Variants in GOLGB1 observed in about 807,000 individuals in gnomAD.
GOLGB1 encodes golgin B1.
GOLGB1 carries 174 observed loss-of-function variants against 336.9 expected under a neutral mutation model. The observed-to-expected ratio is 0.52, with a 90% CI of 0.46 to 0.59. The LOEUF is 0.59. Among genes scored for constraint, GOLGB1 ranks in the 20% least tolerant of loss-of-function variants. The pLI is 0.00. For missense variants in GOLGB1, 3,331 were observed against 3,645.3 expected (o/e 0.91, Z 2.22); for synonymous variants, 1,208 against 1,289.2 (o/e 0.94, Z 1.35).
At chr3:121,679,009 T>C (rs1432125209) in intron 15 of GOLGB1, among the ~76,000 whole-genome samples, 2 of 152,186 alleles carry the variant, frequency 1.3e-5, no homozygotes, top group Non-Finnish European at 1.5e-5. Flanking sequence ...AAAATCAGAA[T>C]TATAGCTCCT....
chr3:121,679,738 G>T (rs953167870), intron 15 of GOLGB1, among the ~76,000 whole-genome samples: 14 of 152,136 alleles, frequency 9.2e-5, no homozygotes, highest in Non-Finnish European at 1.9e-4. Flanking sequence ...GCCAGGTATG[G>T]AGCTTGGACT....
intron 13 of GOLGB1, 24 bp downstream of exon 13, chr3:121,693,717 A>G: frequency 1.3e-6 from 2 of 1,535,468 alleles, no homozygotes; most frequent in Non-Finnish European, 8.9e-7. Flanking sequence ...CCTCTGGAGG[A>G]GGAAAAATTC....
rs746747322 is a variant in GOLGB1 at position 121,697,028 on chromosome 3, T to G, written c.3495A>C (p.Pro1165=). Residue 1165 remains proline, a synonymous_variant, in exon 13 of 22, where the codon CCA becomes CCC. Coordinates refer to ENST00000614479, the MANE Select transcript of GOLGB1 (RefSeq NM_001366282.2). Reference sequence around the variant, plus strand: ...GGGCCAGTATCTTTTCTTCTAGTTCTGGTTTCCAGTGTTCACTACTACCTG... The same window carrying G: ...GGGCCAGTATCTTTTCTTCTAGTTCGGGTTTCCAGTGTTCACTACTACCTG... ...PCTGSSEHWK[P]ELEEKILALE... The G allele has an allele frequency of 6.2e-7, 1 of 1,614,112 alleles. No individual in the cohort carries two copies. Among genetic ancestry groups the G allele is most frequent in the South Asian group, 1.1e-5 (1 of 91,082 alleles).
chr3:121,709,854 C>A, intron 10 of GOLGB1, among the ~76,000 whole-genome samples: 1 of 151,846 alleles, frequency 6.6e-6, no homozygotes, highest in Admixed American at 6.6e-5. Flanking sequence ...AGAAAATTAA[C>A]AAGACCAAAA....
intron 2 of GOLGB1, among the ~76,000 whole-genome samples, 183 bp downstream of exon 2, chr3:121,730,693 A>G (rs1344809961): frequency 6.6e-6 from 1 of 152,192 alleles, no homozygotes; most frequent in African/African-American, 2.4e-5. Flanking sequence ...GTTTCCCATC[A>G]CTGTGGCTTT....
chr3:121,678,722 C>G (rs1030896194), intron 15 of GOLGB1, among the ~76,000 whole-genome samples: 2 of 152,148 alleles, frequency 1.3e-5, no homozygotes. Flanking sequence ...CGCACGCCAC[C>G]ATGCCCAGCT....
At chr3:121,735,842 C>T (rs1001768971) in intron 1 of GOLGB1, among the ~76,000 whole-genome samples, 10 of 152,112 alleles carry the variant, frequency 6.6e-5, no homozygotes, top group Admixed American at 5.9e-4. Context: ...ATGAGCGCAT[C>T]CAGATCTCGA....
chr3:121,730,044 T>A, intron 2 of GOLGB1, 27 bp from the exon 3 acceptor site: 2 of 1,575,802 alleles, frequency 1.3e-6, no homozygotes, highest in Non-Finnish European at 1.7e-6. Flanking sequence ...AAGTTGCCAG[T>A]GCACCAGGAA....
At chr3:121,723,921 T>TA (rs933481738) in intron 5 of GOLGB1, among the ~76,000 whole-genome samples, 1 of 152,074 alleles carries the variant, frequency 6.6e-6, no homozygotes, top group Non-Finnish European at 1.5e-5. Flanking sequence ...AAGTTACTAT[T>TA]AAAAAAACAG....
intron 10 of GOLGB1, among the ~76,000 whole-genome samples, chr3:121,713,658 G>T (rs929999993): frequency 6.6e-6 from 1 of 152,252 alleles, no homozygotes; most frequent in South Asian, 2.1e-4. Context: ...ACTTTGTGAG[G>T]TGATGGTAAT....
intron 4 of GOLGB1, among the ~76,000 whole-genome samples, chr3:121,727,312 ATATATATATT>A (rs1206881518): frequency 0.011 from 389 of 35,316 alleles, 1 homozygote; most frequent in Non-Finnish European, 0.019. Context: ...ATATATATAT[ATATATATATT>A]TTTTTTTTTT....
intron 10 of GOLGB1, among the ~76,000 whole-genome samples, chr3:121,710,683 T>A: frequency 6.6e-6 from 1 of 151,650 alleles, no homozygotes; most frequent in South Asian, 2.1e-4. Context: ...CACCAATAAA[T>A]AAACAAACAA....
intron 15 of GOLGB1, 88 bp downstream of exon 15, chr3:121,681,597 GCT>G (rs1352549576): frequency 1.6e-5 from 14 of 880,034 alleles, no homozygotes; most frequent in Non-Finnish European, 2.5e-5. Flanking sequence ...GTACATAGAA[GCT>G]CTCTGCACTA....
In GOLGB1 at chr3:121,690,283, C is replaced by T. The variant is rs1484441035; in HGVS notation, c.8694+387G>A. Among the ~76,000 whole-genome samples the T allele has an allele frequency of 2.0e-5, 3 of 152,222 alleles. No homozygotes were observed. In the East Asian group the frequency reaches 5.8e-4, roughly 29 times the overall value. On this transcript the variant is annotated intron_variant, in intron 14 of 21. Coordinates refer to ENST00000614479, the MANE Select transcript of GOLGB1 (RefSeq NM_001366282.2). Reference sequence around the variant, plus strand: ...ATTGTAAACAAGACACTAAATGATCCTTATACTTCACTGTAAGAAGGCACT... The same window carrying T: ...ATTGTAAACAAGACACTAAATGATCTTTATACTTCACTGTAAGAAGGCACT...
In GOLGB1 at chr3:121,677,132, C is replaced by T. The variant is rs1283582422; in HGVS notation, c.9040-102G>A. The T allele has an allele frequency of 2.8e-6, 4 of 1,404,062 alleles. No homozygotes were observed. In the African/African-American group the frequency reaches 4.3e-5, roughly 15 times the overall value. The allele number at this position is 1,404,062 out of a possible 1,614,324, so 87.0% of individuals were successfully genotyped here. A position where few individuals can be genotyped will look rare whatever the true frequency, so the allele number is the denominator to read the frequency against. ...CCGCCCCATAGAAGTCATAAGGTGG[C>T]TTATGGGCACTTAATAGTGGCAGAT... On this transcript the variant is annotated intron_variant, in intron 16 of 21. Transcript: ENST00000614479.
chr3:121,738,421 AC>A (rs1357684838), intron 1 of GOLGB1, among the ~76,000 whole-genome samples: 4 of 152,126 alleles, frequency 2.6e-5, no homozygotes, highest in Non-Finnish European at 5.9e-5. Context: ...TTTCCTACAA[AC>A]CCCAAAATAA....
intron 11 of GOLGB1, 41 bp from the exon 12 acceptor site, chr3:121,699,926 G>A (rs1238773750): frequency 8.5e-7 from 1 of 1,177,948 alleles, no homozygotes; most frequent in Admixed American, 2.1e-5. Flanking sequence ...GATATATGTG[G>A]AGTGTGTGAA....
chr3:121,742,149 G>T (rs1946907464), intron 1 of GOLGB1, among the ~76,000 whole-genome samples: 1 of 152,142 alleles, frequency 6.6e-6, no homozygotes, highest in Non-Finnish European at 1.5e-5. Flanking sequence ...AAAAGAGCCT[G>T]CATAGCCAAG....
chr3:121,673,073 G>GT (rs368721459), intron 17 of GOLGB1, among the ~76,000 whole-genome samples: 18,061 of 140,864 alleles, frequency 0.13, 1,312 homozygotes, highest in African/African-American at 0.19. Flanking sequence ...TTGTTTTTTG[G>GT]TTTTTTTTTT....
Sources: gnomAD v4.1 joint callset for allele counts (sites outside exome capture counted in the v4.1 genomes callset) on GRCh38, gnomAD v4.1.1 for gene constraint, MANE v1.5 for transcripts, NCBI Gene and HGNC (gene_info 2026-07-23, HGNC 2026-07-21) for gene names.